The following SCAPER variants were observed in gnomAD, a reference collection of about 807,000 sequenced individuals.
SCAPER encodes S phase cyclin A-associated protein in the endoplasmic reticulum.
SCAPER carries 98 observed loss-of-function variants against 182.2 expected under a neutral mutation model. That is an observed-to-expected ratio of 0.54 (90% CI 0.46 to 0.64). The LOEUF (loss-of-function observed/expected upper bound fraction) is 0.64. Among genes scored for constraint, SCAPER ranks in the 30% least tolerant of loss-of-function variants. SCAPER has a pLI of 0.00. For missense variants in SCAPER, 1,432 were observed against 1,690.0 expected (o/e 0.85, Z 2.68); for synonymous variants, 605 against 564.6 (o/e 1.07, Z -1.01).
rs1250231067 is a variant in SCAPER at position 76,859,298 on chromosome 15, G to A, written c.125-1419C>T. Among the ~76,000 whole-genome samples the A allele has an allele frequency of 2.6e-5, 4 of 152,172 alleles. No homozygotes were observed. In the East Asian group the frequency reaches 7.7e-4, roughly 29 times the overall value. ...TGGGACACCCTCACTGTTCCACCAG[G>A]GGTAAAGGGAGAGAATGCTACACTA... On this transcript the variant is annotated intron_variant, in intron 3 of 31. Coordinates refer to ENST00000563290, the MANE Select transcript of SCAPER (RefSeq NM_020843.4).
chr15:76,391,847 G>A (rs544630108), intron 27 of SCAPER, among the ~76,000 whole-genome samples: 5 of 152,324 alleles, frequency 3.3e-5, no homozygotes, highest in South Asian at 4.2e-4. Context: ...TGAACTGCAC[G>A]TTGACAAATA....
intron 23 of SCAPER, among the ~76,000 whole-genome samples, chr15:76,536,683 C>T (rs1332757695): frequency 2.0e-5 from 3 of 151,970 alleles, no homozygotes; most frequent in Non-Finnish European, 4.4e-5. Flanking sequence ...TCTCACCACT[C>T]CTATTCAACA....
chr15:76,480,573 T>A (rs377107142), intron 24 of SCAPER, among the ~76,000 whole-genome samples: 1 of 152,228 alleles, frequency 6.6e-6, no homozygotes, highest in Non-Finnish European at 1.5e-5. Context: ...AAGATCCTTG[T>A]CTCATTCATT....
At chr15:76,776,002 A>C (rs1207471897) in intron 8 of SCAPER, among the ~76,000 whole-genome samples, 1 of 152,156 alleles carries the variant, frequency 6.6e-6, no homozygotes, top group Non-Finnish European at 1.5e-5. Flanking sequence ...TGAAGTAACC[A>C]TTCCTTCATT....
chr15:76,715,255 T>C (rs1035801725), intron 17 of SCAPER, among the ~76,000 whole-genome samples: 1 of 150,510 alleles, frequency 6.6e-6, no homozygotes, highest in African/African-American at 2.5e-5. Context: ...ACCAAAGTAA[T>C]TGCACCCCCA....
At chr15:76,847,013 T>TA (rs200461289) in intron 4 of SCAPER, among the ~76,000 whole-genome samples, 132 of 144,748 alleles carry the variant, frequency 9.1e-4, no homozygotes, top group Admixed American at 2.1e-3. Context: ...TATTCAGCCA[T>TA]AAAAAAAAAA....
chr15:76,898,704 C>G (rs2074570308), intron 1 of SCAPER, among the ~76,000 whole-genome samples: 1 of 152,070 alleles, frequency 6.6e-6, no homozygotes, highest in Non-Finnish European at 1.5e-5. Flanking sequence ...TCCATAAAGA[C>G]AGAAAGTAGA....
chr15:76,793,373 T>C (rs1296029732), intron 8 of SCAPER: 1 of 662,642 alleles, frequency 1.5e-6, no homozygotes, highest in Non-Finnish European at 2.8e-6. Context: ...CTAGGTGGCT[T>C]CAGGATGGAA....
chr15:76,651,386 A>T (rs556779147), intron 21 of SCAPER, among the ~76,000 whole-genome samples: 1 of 152,272 alleles, frequency 6.6e-6, no homozygotes, highest in South Asian at 2.1e-4. Flanking sequence ...TCCTAACTCA[A>T]TGCAAGCACA....
intron 26 of SCAPER, among the ~76,000 whole-genome samples, chr15:76,419,335 G>GAAAAAA (rs71444980): frequency 1.2e-4 from 11 of 92,562 alleles, no homozygotes; most frequent in South Asian, 3.9e-4. Context: ...GTCTCAAAAA[G>GAAAAAA]AAAAAAAAAA....
intron 21 of SCAPER, among the ~76,000 whole-genome samples, chr15:76,652,273 A>AAATATATATAT (rs1207156993): frequency 2.3e-4 from 3 of 12,858 alleles, no homozygotes; most frequent in African/African-American, 3.2e-4. Flanking sequence ...AAAAAAAAAA[A>AAATATATATAT]ATATATATAT....
At chr15:76,512,382 C>T (rs1454504335) in intron 23 of SCAPER, among the ~76,000 whole-genome samples, 1 of 151,986 alleles carries the variant, frequency 6.6e-6, no homozygotes, top group African/African-American at 2.4e-5. Context: ...TCCTTAACAA[C>T]CATTAAGAAG....
intron 21 of SCAPER, among the ~76,000 whole-genome samples, chr15:76,661,575 A>T (rs1316584974): frequency 6.6e-6 from 1 of 152,212 alleles, no homozygotes; most frequent in Non-Finnish European, 1.5e-5. Flanking sequence ...AACATATATT[A>T]AAAAAAGGTC....
At chr15:76,560,150 G>A (rs994732474) in intron 23 of SCAPER, among the ~76,000 whole-genome samples, 1 of 151,978 alleles carries the variant, frequency 6.6e-6, no homozygotes, top group Non-Finnish European at 1.5e-5. Context: ...AATCCCCGGT[G>A]TGATAGCATT....
At position 76,837,629 on chromosome 15, in the gene SCAPER, G is replaced by A. The variant is rs375526504; in HGVS notation, c.393+4105C>T. 1.4e-4 allele frequency among the ~76,000 whole-genome samples: 21 copies of A among 152,306 alleles called. No homozygotes were observed. The East Asian group carries it at 1.5e-3, about 11-fold the overall frequency. The stretch of plus-strand genomic sequence containing the variant: ...TCAAGATGAGATTTGGGTGGGGACA[G>A]AGCCAAACCATATCAAATGCTCAAC... On this transcript the variant is annotated intron_variant, in intron 5 of 31. Coordinates refer to ENST00000563290, the MANE Select transcript of SCAPER (RefSeq NM_020843.4).
At chr15:76,703,986 G>C (rs2059109477) in intron 18 of SCAPER, among the ~76,000 whole-genome samples, 2 of 152,066 alleles carry the variant, frequency 1.3e-5, no homozygotes, top group Admixed American at 6.5e-5. Context: ...GATATAATAT[G>C]AAACATTCAT....
Position 76,391,422 on chromosome 15 carries a change from C to A in SCAPER, c.3468-9807G>T, listed in dbSNP as rs148951995. Among the ~76,000 whole-genome samples the A allele has an allele frequency of 6.1e-4, 93 of 152,284 alleles. 1 individual carries two copies. The East Asian group carries it at 0.015, about 24-fold the overall frequency. ...AGTGGTATCTTGTTCATCAATCGAT[C>A]CCCAGTACCTTGACAAGGTCTGGGA... is the stretch of plus-strand genomic sequence containing the variant. On this transcript the variant is annotated intron_variant, in intron 27 of 31. Transcript: ENST00000563290.
chr15:76,476,789 CCTCT>C lies in SCAPER; in HGVS notation c.2955-5458_2955-5455del, dbSNP rs141625065. Among the ~76,000 whole-genome samples the C allele has an allele frequency of 8.9e-3, 1,357 of 151,886 alleles. 22 individuals are homozygous for C. The highest frequency in any genetic ancestry group is 0.032 in the African/African-American group (1,318 of 41,422). On this transcript the variant is annotated intron_variant, in intron 24 of 31. Coordinates refer to ENST00000563290, the MANE Select transcript of SCAPER (RefSeq NM_020843.4). ...GTACTTAATGTCTTATACTAAGTTC[CCTCT>C]CTGAGTAAAATACTTAAACTGAGAA...
At chr15:76,764,315 T>C (rs549990598) in intron 14 of SCAPER, among the ~76,000 whole-genome samples, 2 of 152,354 alleles carry the variant, frequency 1.3e-5, no homozygotes, top group African/African-American at 4.8e-5. Flanking sequence ...CTACAGGGTG[T>C]AGGCAGTGGC....
Sources: allele counts gnomAD v4.1 joint callset (sites outside exome capture counted in the v4.1 genomes callset), GRCh38; gene constraint gnomAD v4.1.1; transcripts MANE v1.5; gene names NCBI Gene and HGNC (gene_info 2026-07-23, HGNC 2026-07-21).